TECPR1: variants seen among roughly 807,000 people sequenced by gnomAD.
TECPR1 encodes tectonin beta-propeller repeat-containing protein 1.
In TECPR1, 122 loss-of-function variants were observed where a neutral mutation model predicts 162.4. The ratio of observed to expected loss-of-function variants is 0.75; its 90% CI spans 0.65 to 0.87. The LOEUF is 0.87. Among genes scored for constraint, TECPR1 ranks in the 40% least tolerant of loss-of-function variants. The pLI is 0.00. For missense variants in TECPR1, 1,432 were observed against 1,618.2 expected (o/e 0.88, Z 1.97); for synonymous variants, 642 against 670.6 (o/e 0.96, Z 0.66).
At chr7:98,231,628 C>T in intron 13 of TECPR1, 176 bp downstream of exon 13, 1 of 734,764 alleles carries the variant, frequency 1.4e-6, no homozygotes, top group Non-Finnish European at 2.1e-6. Context: ...GTACCCCCTT[C>T]CCCGGGCACC....
intron 16 of TECPR1, 42 bp from the exon 17 acceptor site, chr7:98,228,158 T>A (rs910444796): frequency 1.4e-6 from 2 of 1,462,240 alleles, no homozygotes; most frequent in Admixed American, 3.7e-5. Context: ...CCACATACGC[T>A]CCGCTTGGGA....
Position 98,241,370 on chromosome 7 carries a change from C to G in TECPR1, c.658-126G>C. 1 of 1,194,404 alleles carries G rather than the reference C, an allele frequency of 8.4e-7. No individual in the cohort carries two copies. The highest frequency in any genetic ancestry group is 1.2e-6 in the Non-Finnish European group (1 of 851,614). 74.0% of individuals were successfully genotyped at this position (1,194,404 alleles called of 1,614,324 possible). A position where few individuals can be genotyped will look rare whatever the true frequency, so the allele number is the denominator to read the frequency against. ...CCGTCCAGATCTCACTCCCTGCCCC[C>G]TACCCCGGCCAAAAAACGCAAACCC... is the stretch of plus-strand genomic sequence containing the variant. On this transcript the variant is annotated intron_variant, in intron 6 of 25. Coordinates refer to ENST00000447648, the MANE Select transcript of TECPR1 (RefSeq NM_015395.3). The surrounding 1 kb of genome is among the most constrained non-coding windows in gnomAD (Gnocchi z 5.0).
intron 16 of TECPR1, chr7:98,228,377 C>A: frequency 2.2e-6 from 1 of 452,218 alleles, no homozygotes; most frequent in Non-Finnish European, 4.1e-6. Context: ...CCATCCACAC[C>A]CCTCCAGCGC....
At chr7:98,248,530 C>T (rs915039987) in intron 2 of TECPR1, among the ~76,000 whole-genome samples, 6 of 91,124 alleles carry the variant, frequency 6.6e-5, no homozygotes, top group East Asian at 3.7e-4. Context: ...CAGCTGCCAC[C>T]GGCAAAAAAA....
intron 2 of TECPR1, among the ~76,000 whole-genome samples, chr7:98,246,377 C>G (rs1798910859): frequency 2.6e-5 from 4 of 151,404 alleles, no homozygotes; most frequent in Admixed American, 2.6e-4. Flanking sequence ...AGCAATTCTC[C>G]TGCCTCAGCC....
Position 98,233,752 on chromosome 7 carries a change from G to T in TECPR1, c.1341C>A (p.Gly447=). Reference sequence around the variant, plus strand: ...CTTCTGCGGTCCTGCCAGCCCCCAGGCCTGAGGCTGAGTTCCCTGTGGCAT... The same window carrying T: ...CTTCTGCGGTCCTGCCAGCCCCCAGTCCTGAGGCTGAGTTCCCTGTGGCAT... ...SKNATGNSAS[G]LGAGRTAEDT... Residue 447 remains glycine (G), a synonymous_variant, in exon 11 of 26, where the codon GGC becomes GGA. Transcript: ENST00000447648. 1 of 1,612,722 alleles carries T rather than the reference G, an allele frequency of 6.2e-7. No individual in the cohort carries two copies. Among genetic ancestry groups the T allele is most frequent in the Non-Finnish European group, 8.5e-7 (1 of 1,179,812 alleles).
At chr7:98,243,325 C>A (rs1403920184) in intron 6 of TECPR1, 142 bp downstream of exon 6, 100 of 1,153,622 alleles carry the variant, frequency 8.7e-5, no homozygotes, top group Middle Eastern at 3.0e-4. Context: ...GCTGGGGGCT[C>A]GGAGGAGAGA....
chr7:98,233,060 C>T lies in TECPR1; in HGVS notation c.1673-88G>A, dbSNP rs1798492246. The T allele has an allele frequency of 4.9e-6, 7 of 1,433,918 alleles. No homozygotes were observed. In the East Asian group the frequency reaches 1.2e-4, roughly 24 times the overall value. The allele number at this position is 1,433,918 out of a possible 1,614,324, so 88.8% of individuals were successfully genotyped here. A position where few individuals can be genotyped will look rare whatever the true frequency, so the allele number is the denominator to read the frequency against. ...ACGGCGCTCCCCTCCACCAAATCAGCCCTTTCTAGCTCAAAAGCTACGCTC... is the reference window on the plus strand; with the variant it reads ...ACGGCGCTCCCCTCCACCAAATCAGTCCTTTCTAGCTCAAAAGCTACGCTC... On this transcript the variant is annotated intron_variant, in intron 11 of 25. Coordinates refer to ENST00000447648, the MANE Select transcript of TECPR1 (RefSeq NM_015395.3).
chr7:98,221,893 C>A, intron 22 of TECPR1, 140 bp from the exon 23 acceptor site: 1 of 663,528 alleles, frequency 1.5e-6, no homozygotes, highest in East Asian at 2.7e-5. Flanking sequence ...TGACACGTGC[C>A]CTGCCGTCCA....
chr7:98,229,131 A>G lies in TECPR1; in HGVS notation c.2318T>C (p.Val773Ala). The stretch of plus-strand genomic sequence containing the variant: ...CACCACGCCCCGGCTGTTGGCCTCC[A>G]CCATCCGCAGGTGGCCTCCCATCTG... ...WRQMGGHLRM[V>A]EANSRGVVWG... The change falls in exon 16 of 26, where the codon GTG (valine) becomes GCG (alanine). Residue 773 changes from valine to alanine, a missense_variant. Transcript: ENST00000447648. 1 of 1,565,528 alleles carries G rather than the reference A, an allele frequency of 6.4e-7. No individual in the cohort carries two copies. The highest frequency in any genetic ancestry group is 8.7e-7 in the Non-Finnish European group (1 of 1,155,946).
Position 98,246,040 on chromosome 7 carries a change from T to C in TECPR1, c.107A>G (p.Lys36Arg), listed in dbSNP as rs1275791880. 1.3e-6 allele frequency: 2 copies of C among 1,586,746 alleles called. No homozygotes were observed. The highest frequency in any genetic ancestry group is 1.7e-6 in the Non-Finnish European group (2 of 1,167,232). ...EMCKDSQLEFKRVSATTQCCW... is the reference protein window; with the variant it reads ...EMCKDSQLEFRRVSATTQCCW... ...GCACTGCGTGGTGGCGCTGACGCGC[T>C]TGAACTCCAGCTGGGAGTCCTTGCA... The change falls in exon 3 of 26, where the codon AAG becomes AGG. Residue 36 changes from lysine to arginine, a missense_variant. Lys to Arg is a conservative substitution (Grantham distance 26). Coordinates refer to ENST00000447648, the MANE Select transcript of TECPR1 (RefSeq NM_015395.3).
At chr7:98,229,816 C>G (rs1798375033) in intron 15 of TECPR1, among the ~76,000 whole-genome samples, 1 of 152,148 alleles carries the variant, frequency 6.6e-6, no homozygotes, top group Non-Finnish European at 1.5e-5. Context: ...CACTATGTCC[C>G]CAGCCCCAGT....
At chr7:98,249,625 C>A (rs1224341826) in intron 2 of TECPR1, among the ~76,000 whole-genome samples, 1 of 152,134 alleles carries the variant, frequency 6.6e-6, no homozygotes, top group African/African-American at 2.4e-5. Flanking sequence ...AGCTAACTAA[C>A]CTCTCTGTGC....
intron 2 of TECPR1, 105 bp from the exon 3 acceptor site, chr7:98,246,270 C>CTTTT: frequency 1.9e-5 from 11 of 564,496 alleles, no homozygotes; most frequent in South Asian, 5.0e-5. Context: ...TTCTTTTTCT[C>CTTTT]TTTTTTTTTT....
Position 98,216,088 on chromosome 7 carries a change from G to C in TECPR1, c.*1302C>G, listed in dbSNP as rs1220816854. 1 of 152,314 alleles carries C rather than the reference G, an allele frequency of 6.6e-6. No individual in the cohort carries two copies. Among genetic ancestry groups the C allele is most frequent in the Non-Finnish European group, 1.5e-5 (1 of 68,078 alleles). 9.4% of individuals were successfully genotyped at this position (152,314 alleles called of 1,614,324 possible). A position where few individuals can be genotyped will look rare whatever the true frequency, so the allele number is the denominator to read the frequency against. On this transcript the variant is annotated 3_prime_UTR_variant, in exon 26 of 26. Transcript: ENST00000447648. ...ATGACCTCCCGGGCAAAGTGTCCAG[G>C]TGGAGGAAGCAAACTCCCAAATGGG...
intron 9 of TECPR1, 142 bp from the exon 10 acceptor site, chr7:98,237,063 T>A: frequency 1.1e-6 from 1 of 945,336 alleles, no homozygotes. Context: ...GGCTGTGTGG[T>A]GGGCACAGAA....
chr7:98,231,482 C>A, intron 13 of TECPR1, 109 bp from the exon 14 acceptor site: 1 of 1,211,382 alleles, frequency 8.3e-7, no homozygotes, highest in East Asian at 2.6e-5. Context: ...GACACCCTCT[C>A]TCCTGGCACC....
intron 10 of TECPR1, among the ~76,000 whole-genome samples, chr7:98,235,351 T>C (rs1051951713): frequency 2.0e-5 from 3 of 152,002 alleles, no homozygotes; most frequent in South Asian, 4.2e-4. Flanking sequence ...CGGTGAAACC[T>C]GATCTCTACT....
chr7:98,242,931 C>CACACCCAT (rs879619271), intron 6 of TECPR1, among the ~76,000 whole-genome samples: 282 of 10,176 alleles, frequency 0.028, no homozygotes, highest in East Asian at 0.068. Flanking sequence ...CACCCATCCG[C>CACACCCAT]CCATCCACAC....
Sources: allele counts gnomAD v4.1 joint callset (sites outside exome capture counted in the v4.1 genomes callset), GRCh38; gene constraint gnomAD v4.1.1; non-coding constraint Gnocchi (gnomAD v3.1); transcripts MANE v1.5; gene names NCBI Gene and HGNC (gene_info 2026-07-23, HGNC 2026-07-21).